Variants in ZMYND11 observed in about 807,000 individuals in gnomAD.
The protein encoded by ZMYND11 is zinc finger MYND domain-containing protein 11.
A neutral mutation model predicts 84.9 loss-of-function variants in ZMYND11; 9 were observed. The observed-to-expected ratio is 0.11, with a 90% CI of 0.06 to 0.18. The LOEUF (loss-of-function observed/expected upper bound fraction) is 0.18, where lower values mean the gene tolerates loss of function less well. Among genes scored for constraint, ZMYND11 ranks in the 10% least tolerant of loss-of-function variants. The pLI, the probability that ZMYND11 is intolerant of heterozygous loss-of-function variation, is 1.00. For synonymous variants in ZMYND11, 250 were observed against 244.1 expected, an observed-to-expected ratio of 1.02 and a Z score of -0.23; for missense variants, 409 against 761.0, an observed-to-expected ratio of 0.54 and a Z score of 5.44.
intron 1 of ZMYND11, among the ~76,000 whole-genome samples, chr10:149,385 A>G (rs1366338549): frequency 6.6e-6 from 1 of 151,372 alleles, no homozygotes; most frequent in Non-Finnish European, 1.5e-5. Context: ...ATCTTGGCTC[A>G]CTGCAAGCTC....
chr10:164,660 A>G (rs1044916847), intron 1 of ZMYND11, among the ~76,000 whole-genome samples: 1 of 152,170 alleles, frequency 6.6e-6, no homozygotes, highest in African/African-American at 2.4e-5. Flanking sequence ...GGCCTCACCT[A>G]ATTTCAGTGT....
At chr10:167,715 G>A (rs184235142) in intron 1 of ZMYND11, among the ~76,000 whole-genome samples, 7 of 151,944 alleles carry the variant, frequency 4.6e-5, no homozygotes, top group Non-Finnish European at 1.0e-4. Context: ...GGGCTCTTGG[G>A]GCAGTATTAT....
At chr10:144,630 G>A (rs1202379814) in intron 1 of ZMYND11, among the ~76,000 whole-genome samples, 9 of 139,312 alleles carry the variant, frequency 6.5e-5, no homozygotes, top group Non-Finnish European at 7.6e-5. Flanking sequence ...CTGGCTGAGC[G>A]TCTGAATTCC....
chr10:210,824 G>A (rs2131281765), intron 3 of ZMYND11, among the ~76,000 whole-genome samples: 1 of 152,126 alleles, frequency 6.6e-6, no homozygotes, highest in African/African-American at 2.4e-5. Context: ...TTTAAAATGT[G>A]TTAATTTTTA....
chr10:214,889 C>G (rs995803915), intron 3 of ZMYND11, among the ~76,000 whole-genome samples: 1 of 152,098 alleles, frequency 6.6e-6, no homozygotes, highest in Non-Finnish European at 1.5e-5. Context: ...TAGCAGCTCT[C>G]TGTGATAAAT....
intron 2 of ZMYND11, among the ~76,000 whole-genome samples, chr10:200,240 AATAT>A (rs968948513): frequency 8.3e-5 from 2 of 23,996 alleles, no homozygotes; most frequent in East Asian, 1.6e-3. Context: ...TATATATAAA[AATAT>A]ATATATAATA....
At chr10:248,844 T>C in intron 13 of ZMYND11, 59 bp from the exon 14 acceptor site, 1 of 1,548,920 alleles carries the variant, frequency 6.5e-7, no homozygotes, top group Non-Finnish European at 8.7e-7. Flanking sequence ...TCTGTTCCAG[T>C]GTAGATGGTC....
At chr10:172,296 GA>G in intron 1 of ZMYND11, among the ~76,000 whole-genome samples, 1 of 152,060 alleles carries the variant, frequency 6.6e-6, no homozygotes, top group Non-Finnish European at 1.5e-5. Context: ...AATAGATTGG[GA>G]AAAAAGAAAT....
intron 4 of ZMYND11, among the ~76,000 whole-genome samples, chr10:230,458 G>C (rs1290040077): frequency 9.5e-6 from 1 of 105,626 alleles, no homozygotes. Flanking sequence ...GGGCGACAGA[G>C]TGAGACTCAG....
At chr10:147,001 C>A (rs1000953439) in intron 1 of ZMYND11, among the ~76,000 whole-genome samples, 1 of 152,222 alleles carries the variant, frequency 6.6e-6, no homozygotes, top group Non-Finnish European at 1.5e-5. Context: ...ATTACCCAGT[C>A]TCGAGTATGT....
chr10:237,993 T>C (rs754036781), intron 6 of ZMYND11, among the ~76,000 whole-genome samples: 36 of 152,302 alleles, frequency 2.4e-4, no homozygotes, highest in Non-Finnish European at 3.5e-4. Context: ...ATTTCAGATG[T>C]AAAGAATGTT....
At chr10:209,848 G>T in intron 2 of ZMYND11, 41 bp from the exon 3 acceptor site, 1 of 1,570,158 alleles carries the variant, frequency 6.4e-7, no homozygotes, top group South Asian at 1.2e-5. Flanking sequence ...TTAGTTTTCA[G>T]TACTGAAAGA....
chr10:249,557 C>T (rs1375243405), intron 14 of ZMYND11: 1 of 984,738 alleles, frequency 1.0e-6, no homozygotes, highest in Admixed American at 6.2e-5. Flanking sequence ...ATAGTAGTGA[C>T]ATCTCATTGG....
intron 2 of ZMYND11, among the ~76,000 whole-genome samples, chr10:195,243 T>G (rs562972763): frequency 2.4e-4 from 36 of 152,284 alleles, no homozygotes; most frequent in African/African-American, 7.9e-4. Context: ...AAATACAATC[T>G]GAGAGAAAAG....
At chr10:199,224 A>ACT (rs999411852) in intron 2 of ZMYND11, among the ~76,000 whole-genome samples, 2 of 146,754 alleles carry the variant, frequency 1.4e-5, no homozygotes, top group East Asian at 2.0e-4. Flanking sequence ...TGGTAGCAGA[A>ACT]CTCTCTCTCT....
intron 2 of ZMYND11, among the ~76,000 whole-genome samples, chr10:192,443 T>G (rs567068864): frequency 1.3e-5 from 2 of 152,328 alleles, no homozygotes; most frequent in South Asian, 2.1e-4. Context: ...CTCTTTGTAC[T>G]TTTTCCCCGT....
intron 4 of ZMYND11, among the ~76,000 whole-genome samples, chr10:230,919 C>T (rs955811216): frequency 6.6e-6 from 1 of 152,126 alleles, no homozygotes; most frequent in African/African-American, 2.4e-5. Flanking sequence ...CATTATGGAC[C>T]CTGCTTTCAC....
At chr10:139,606 A>G (rs548256901) in intron 1 of ZMYND11, among the ~76,000 whole-genome samples, 12 of 152,000 alleles carry the variant, frequency 7.9e-5, no homozygotes, top group East Asian at 3.9e-4. Context: ...AATGAGGACC[A>G]TAATAATAAT....
intron 9 of ZMYND11, 125 bp downstream of exon 9, chr10:241,095 A>T: frequency 1.6e-6 from 1 of 616,280 alleles, no homozygotes; most frequent in Non-Finnish European, 2.7e-6. Context: ...GGGTTTAATG[A>T]GTATAAACAA....
Sources: gnomAD v4.1 joint callset for allele counts (sites outside exome capture counted in the v4.1 genomes callset) on GRCh38, gnomAD v4.1.1 for gene constraint, MANE v1.5 for transcripts, NCBI Gene and HGNC (gene_info 2026-07-23, HGNC 2026-07-21) for gene names.